Variants in PCDH15 observed in about 807,000 individuals in gnomAD.
PCDH15 encodes protocadherin related 15, also known as protocadherin-15.
PCDH15 carries 129 observed loss-of-function variants against 178.5 expected under a neutral mutation model. The ratio of observed to expected loss-of-function variants is 0.72; its 90% confidence interval spans 0.63 to 0.84. The LOEUF (loss-of-function observed/expected upper bound fraction) is 0.84, where lower values mean the gene tolerates loss of function less well. Among genes scored for constraint, PCDH15 ranks in the 40% least tolerant of loss-of-function variants. The probability of loss-of-function intolerance (pLI) is 0.00; values close to 1 mark genes in which losing one functional copy is unlikely to be tolerated. For missense variants in PCDH15, 2,230 were observed against 2,099.9 expected, an observed-to-expected ratio of 1.06 and a Z score of -1.21; for synonymous variants, 800 against 732.0, an observed-to-expected ratio of 1.09 and a Z score of -1.50.
At chr10:55,310,572 T>C (rs1843560435) in intron 1 of PCDH15, among the ~76,000 whole-genome samples, 1 of 152,144 alleles carries the variant, frequency 6.6e-6, no homozygotes, top group Admixed American at 6.5e-5. Context: ...TGTTAAAAAG[T>C]TGAAAATTAA....
At chr10:55,090,791 C>A (rs1842298111) in intron 2 of PCDH15, among the ~76,000 whole-genome samples, 2 of 152,142 alleles carry the variant, frequency 1.3e-5, no homozygotes, top group Non-Finnish European at 2.9e-5. Flanking sequence ...CAAAAAAGTT[C>A]TGCACTGATT....
At chr10:54,333,224 A>G (rs1484593053) in intron 6 of PCDH15, among the ~76,000 whole-genome samples, 1 of 152,100 alleles carries the variant, frequency 6.6e-6, no homozygotes, top group Non-Finnish European at 1.5e-5. Context: ...GGGATTAAAG[A>G]TGTGAGCCAC....
At chr10:54,811,034 A>G (rs776320973) in intron 3 of PCDH15, among the ~76,000 whole-genome samples, 68 of 152,248 alleles carry the variant, frequency 4.5e-4, no homozygotes, top group Non-Finnish European at 8.2e-4. Context: ...TTATGCATCT[A>G]TAGTCGTAAG....
intron 2 of PCDH15, among the ~76,000 whole-genome samples, chr10:54,655,292 G>GAGAGAGAGAGAGAGAGAGAGAGAC (rs1565866271): frequency 3.3e-5 from 4 of 121,094 alleles, no homozygotes; most frequent in African/African-American, 6.1e-5. Context: ...GAGAGAGAGA[G>GAGAGAGAGAGAGAGAGAGAGAGAC]AGAGAGAGAG....
intron 1 of PCDH15, among the ~76,000 whole-genome samples, chr10:54,721,573 A>G (rs184332490): frequency 6.6e-6 from 1 of 151,958 alleles, no homozygotes; most frequent in East Asian, 1.9e-4. Flanking sequence ...ACAAAAGATT[A>G]TAAGAGACTA....
At chr10:54,630,877 T>C (rs1212706879) in intron 2 of PCDH15, among the ~76,000 whole-genome samples, 1 of 152,096 alleles carries the variant, frequency 6.6e-6, no homozygotes, top group Non-Finnish European at 1.5e-5. Flanking sequence ...AAGGAAGACT[T>C]ACAAGCAGCC....
At position 53,855,920 on chromosome 10, in the gene PCDH15, A is replaced by ATATATATGTGTGTGTG. The variant is rs1201156130; in HGVS notation, c.3806+1254_3806+1255insCACACACACATATATA. On this transcript the variant is annotated intron_variant, in intron 28 of 37. Transcript: ENST00000644397. ...AGGTGATATGTATATATATATATATATGTATGTGTGTGTGTGTAATGAAAT... is the reference window on the plus strand; with the variant it reads ...AGGTGATATGTATATATATATATATATATATATGTGTGTGTGTGTATGTGTGTGTGTGTAATGAAAT... 2.4e-4 allele frequency among the ~76,000 whole-genome samples: 33 copies of ATATATATGTGTGTGTG among 140,390 alleles called. 1 individual carries two copies. The highest frequency in any genetic ancestry group is 7.8e-4 in the African/African-American group (30 of 38,346). 92.1% of individuals were successfully genotyped at this position (140,390 alleles called of 152,430 possible).
intron 2 of PCDH15, among the ~76,000 whole-genome samples, chr10:55,552,281 T>G (rs1016569473): frequency 6.6e-6 from 1 of 151,660 alleles, no homozygotes; most frequent in Non-Finnish European, 1.5e-5. Flanking sequence ...TCCATGTGAT[T>G]GAGGATAATG....
intron 24 of PCDH15, among the ~76,000 whole-genome samples, chr10:53,940,349 G>A (rs537582675): frequency 1.3e-5 from 2 of 152,178 alleles, no homozygotes; most frequent in South Asian, 4.1e-4. Context: ...TGAATTGTAT[G>A]TCTAATTTGA....
At chr10:54,324,451 T>A (rs1419769688) in intron 7 of PCDH15, among the ~76,000 whole-genome samples, 1 of 152,132 alleles carries the variant, frequency 6.6e-6, no homozygotes, top group African/African-American at 2.4e-5. Flanking sequence ...AATTATAAAT[T>A]ATTCTTGCCA....
chr10:54,194,208 G>A (rs1294830281), intron 11 of PCDH15, among the ~76,000 whole-genome samples: 4 of 151,560 alleles, frequency 2.6e-5, no homozygotes, highest in African/African-American at 7.3e-5. Flanking sequence ...TTTAGAAAGA[G>A]AAAAAAAATC....
chr10:54,039,245 G>T (rs2093486032), intron 18 of PCDH15, among the ~76,000 whole-genome samples: 1 of 151,910 alleles, frequency 6.6e-6, no homozygotes, highest in Admixed American at 6.6e-5. Flanking sequence ...TGCAGGTAGG[G>T]GATGCTGCTA....
At chr10:54,100,010 T>C (rs1454674786) in intron 15 of PCDH15, among the ~76,000 whole-genome samples, 2 of 152,196 alleles carry the variant, frequency 1.3e-5, no homozygotes, top group African/African-American at 2.4e-5. Flanking sequence ...CTTTATGTAG[T>C]AGATATAGAA....
At chr10:54,472,668 T>C (rs2077998573) in intron 3 of PCDH15, among the ~76,000 whole-genome samples, 1 of 152,142 alleles carries the variant, frequency 6.6e-6, no homozygotes, top group African/African-American at 2.4e-5. Flanking sequence ...TAAAAACGCA[T>C]GGCAGTGATA....
chr10:54,192,144 GAAAGAAAGAA>G (rs1230162027), intron 11 of PCDH15, among the ~76,000 whole-genome samples: 6 of 84,870 alleles, frequency 7.1e-5, no homozygotes, highest in African/African-American at 2.7e-4. Flanking sequence ...GAAAGAGAAA[GAAAGAAAGAA>G]AAAGAAAGAA....
At chr10:54,231,885 C>T (rs997593552) in intron 9 of PCDH15, among the ~76,000 whole-genome samples, 10 of 152,122 alleles carry the variant, frequency 6.6e-5, no homozygotes, top group Non-Finnish European at 1.5e-4. Context: ...AAAGCCTGTA[C>T]CCCCATTGTA....
chr10:53,991,527 C>A (rs1233803654), intron 21 of PCDH15, among the ~76,000 whole-genome samples: 1 of 151,610 alleles, frequency 6.6e-6, no homozygotes. Flanking sequence ...GGTTTGTAAA[C>A]CCACCAATCA....
At chr10:53,811,776 A>G (rs552622169) in intron 35 of PCDH15, among the ~76,000 whole-genome samples, 157 bp from the exon 36 acceptor site, 34 of 152,316 alleles carry the variant, frequency 2.2e-4, no homozygotes, top group African/African-American at 8.2e-4. Flanking sequence ...AAATTACTCT[A>G]TTTAAAAGTG....
At chr10:54,360,763 A>C (rs1945893920) in intron 5 of PCDH15, among the ~76,000 whole-genome samples, 2 of 152,032 alleles carry the variant, frequency 1.3e-5, no homozygotes, top group Admixed American at 1.3e-4. Context: ...GGTCTTTTAC[A>C]GTGTCCCCTC....
Sources: allele counts gnomAD v4.1 joint callset (sites outside exome capture counted in the v4.1 genomes callset), GRCh38; gene constraint gnomAD v4.1.1; transcripts MANE v1.5; gene names NCBI Gene and HGNC (gene_info 2026-07-23, HGNC 2026-07-21).